The following ASTN1 variants were observed in gnomAD, a reference collection of about 807,000 sequenced individuals.
ASTN1 encodes astrotactin-1.
Under a neutral mutation model 140.7 loss-of-function variants are expected in ASTN1, and 41 were observed. The ratio of observed to expected loss-of-function variants is 0.29; its 90% confidence interval spans 0.23 to 0.38. ASTN1 has a LOEUF of 0.38. Among genes scored for constraint, ASTN1 ranks in the 10% least tolerant of loss-of-function variants. The probability of loss-of-function intolerance (pLI) is 1.00; values close to 1 mark genes in which losing one functional copy is unlikely to be tolerated. For synonymous variants in ASTN1, 640 were observed against 652.2 expected (o/e 0.98, Z 0.29); for missense variants, 1,479 against 1,678.8 (o/e 0.88, Z 2.08).
chr1:177,003,897 T>G (rs1341031789), intron 8 of ASTN1, among the ~76,000 whole-genome samples: 3 of 152,074 alleles, frequency 2.0e-5, no homozygotes, highest in Non-Finnish European at 4.4e-5. Flanking sequence ...GAAAGCATTA[T>G]GCCTAAGAAC....
At chr1:177,076,300 GAAAGAA>G (rs1174752634) in intron 1 of ASTN1, among the ~76,000 whole-genome samples, 3 of 140,442 alleles carry the variant, frequency 2.1e-5, no homozygotes, top group East Asian at 2.0e-4. Flanking sequence ...AAAAAAGAAA[GAAAGAA>G]AAAGAAAAAG....
In ASTN1 at chr1:177,061,251, T is replaced by C; in HGVS notation, c.298A>G (p.Thr100Ala). ...PYFVLEISGN[T>A]EDIPLVRWRQ... ...CAGCGCACCAAAGGGATATCCTCTG[T>C]GTTCCCTGAGATCTCTAGAAGATGA... Residue 100 changes from threonine to alanine, a missense_variant, in exon 2 of 23, where the codon ACA (threonine) becomes GCA (alanine). By Grantham distance (58) the Thr-to-Ala change is moderately conservative. Transcript: ENST00000361833. 6.4e-7 allele frequency: 1 copy of C among 1,559,052 alleles called. No individual in the cohort carries two copies. Among genetic ancestry groups the C allele is most frequent in the South Asian group, 1.2e-5 (1 of 81,822 alleles).
chr1:176,959,888 G>A (rs945595165), intron 9 of ASTN1, among the ~76,000 whole-genome samples: 3 of 152,174 alleles, frequency 2.0e-5, no homozygotes, highest in Non-Finnish European at 2.9e-5. Context: ...ACTCACAGGA[G>A]TATCAAGCAG....
intron 2 of ASTN1, among the ~76,000 whole-genome samples, chr1:177,047,481 A>G (rs576703989): frequency 6.6e-6 from 1 of 152,312 alleles, no homozygotes; most frequent in South Asian, 2.1e-4. Context: ...AGCCTTCTGA[A>G]TGGAGGAACC....
At chr1:177,083,672 A>G (rs1679284390) in intron 1 of ASTN1, among the ~76,000 whole-genome samples, 2 of 152,176 alleles carry the variant, frequency 1.3e-5, no homozygotes, top group Non-Finnish European at 1.5e-5. Flanking sequence ...AAATCTTTTC[A>G]TCCTCTTTTG....
chr1:176,993,605 G>C (rs1170913517), intron 8 of ASTN1, among the ~76,000 whole-genome samples: 1 of 152,110 alleles, frequency 6.6e-6, no homozygotes, highest in African/African-American at 2.4e-5. Flanking sequence ...CTCGCTAATA[G>C]ACACTTGAGT....
At chr1:177,076,403 T>C (rs1177381553) in intron 1 of ASTN1, among the ~76,000 whole-genome samples, 2 of 151,612 alleles carry the variant, frequency 1.3e-5, no homozygotes, top group Non-Finnish European at 2.9e-5. Flanking sequence ...TTGTCTGTGA[T>C]GGGAAACAAA....
At chr1:177,079,403 G>A (rs560246556) in intron 1 of ASTN1, among the ~76,000 whole-genome samples, 2 of 152,276 alleles carry the variant, frequency 1.3e-5, no homozygotes, top group Non-Finnish European at 2.9e-5. Flanking sequence ...AATTATGAGA[G>A]TTATTACAAA....
intron 2 of ASTN1, among the ~76,000 whole-genome samples, chr1:177,052,088 C>T (rs1424068435): frequency 6.6e-6 from 1 of 152,122 alleles, no homozygotes; most frequent in Non-Finnish European, 1.5e-5. Flanking sequence ...ACAGAAGTGA[C>T]ATAACAATTC....
rs190857763 is a variant in ASTN1 at position 176,874,023 on chromosome 1, C to T, written c.3463+2514G>A. On this transcript the variant is annotated intron_variant, in intron 21 of 22. Transcript: ENST00000361833. Reference sequence around the variant, plus strand: ...TAGCATCATGCTGCATCCCCTCCACCTGCTAATCACCTCCCTGATGTCCCA... The same window carrying T: ...TAGCATCATGCTGCATCCCCTCCACTTGCTAATCACCTCCCTGATGTCCCA... Among the ~76,000 whole-genome samples, 236 of 152,286 alleles carry T rather than the reference C, an allele frequency of 1.5e-3. 1 individual carries two copies. Among genetic ancestry groups the T allele is most frequent in the African/African-American group, 5.2e-3 (216 of 41,558 alleles).
intron 7 of ASTN1, among the ~76,000 whole-genome samples, chr1:177,020,294 T>C (rs1433971222): frequency 1.3e-5 from 2 of 152,220 alleles, no homozygotes; most frequent in Admixed American, 6.5e-5. Flanking sequence ...TTACCAGAAG[T>C]TTAACATGAG....
chr1:177,149,143 T>C lies in ASTN1; in HGVS notation c.283+15251A>G, dbSNP rs1381039703. 2.6e-4 allele frequency among the ~76,000 whole-genome samples: 34 copies of C among 128,844 alleles called. 3 individuals carry two copies. Among genetic ancestry groups the C allele is most frequent in the African/African-American group, 9.3e-4 (31 of 33,304 alleles). The allele number at this position is 128,844 out of a possible 152,430, so 84.5% of individuals were successfully genotyped here. A position where few individuals can be genotyped will look rare whatever the true frequency, so the allele number is the denominator to read the frequency against. Reference sequence around the variant, plus strand: ...AGTAAATATATATAGTGCATATATATAGTGCATATATATAGTGTATATATA... The same window carrying C: ...AGTAAATATATATAGTGCATATATACAGTGCATATATATAGTGTATATATA... On this transcript the variant is annotated intron_variant, in intron 1 of 22. Transcript: ENST00000361833.
chr1:177,127,233 T>G (rs1328361866), intron 1 of ASTN1, among the ~76,000 whole-genome samples: 1 of 152,198 alleles, frequency 6.6e-6, no homozygotes, highest in Non-Finnish European at 1.5e-5. Context: ...CATTCCTGTA[T>G]GTGGAAGACT....
At chr1:176,959,850 A>C (rs1444752396) in intron 9 of ASTN1, among the ~76,000 whole-genome samples, 1 of 152,074 alleles carries the variant, frequency 6.6e-6, no homozygotes, top group Non-Finnish European at 1.5e-5. Flanking sequence ...GATGCTTCTG[A>C]CTCTGAAAGA....
At chr1:176,990,018 C>A (rs1396560395) in intron 8 of ASTN1, among the ~76,000 whole-genome samples, 1 of 152,052 alleles carries the variant, frequency 6.6e-6, no homozygotes, top group Non-Finnish European at 1.5e-5. Context: ...CCTCCTTCAG[C>A]TTTCTTGGAC....
At chr1:177,088,708 C>T (rs943089100) in intron 1 of ASTN1, among the ~76,000 whole-genome samples, 1 of 152,100 alleles carries the variant, frequency 6.6e-6, no homozygotes, top group Non-Finnish European at 1.5e-5. Flanking sequence ...GATTTTGAAG[C>T]AAAATTTCTG....
intron 8 of ASTN1, among the ~76,000 whole-genome samples, chr1:177,002,225 T>C (rs756931415): frequency 9.9e-5 from 15 of 152,058 alleles, no homozygotes; most frequent in Non-Finnish European, 1.5e-4. Context: ...AGAAGGGCCA[T>C]AAAGGAAGGA....
Position 176,876,632 on chromosome 1 carries a change from G to A in ASTN1, c.3368C>T (p.Thr1123Met), listed in dbSNP as rs369440281. 3.7e-5 allele frequency: 60 copies of A among 1,613,956 alleles called. No individual in the cohort carries two copies. The highest frequency in any genetic ancestry group is 1.6e-4 in the Middle Eastern group (1 of 6,084). Residue 1123 changes from threonine (T) to methionine (M), a missense_variant, in exon 21 of 23, where the codon ACG becomes ATG. This residue lies in a region of ASTN1 where 746 missense variants were observed against 800.9 expected (regional missense o/e 0.93). Transcript: ENST00000361833. ...CLEPDTIYMFTLWGVDNTGRR... is the reference protein window; with the variant it reads ...CLEPDTIYMFMLWGVDNTGRR... Reference sequence around the variant, plus strand: ...TCCTGTGTTGTCCACTCCCCACAGCGTGAACCTGGCAGGGAGTGGGAGGGC... The same window carrying A: ...TCCTGTGTTGTCCACTCCCCACAGCATGAACCTGGCAGGGAGTGGGAGGGC...
At chr1:177,075,544 C>G (rs562202883) in intron 1 of ASTN1, among the ~76,000 whole-genome samples, 1 of 151,612 alleles carries the variant, frequency 6.6e-6, no homozygotes, top group South Asian at 2.1e-4. Flanking sequence ...CAAGCTGAAC[C>G]TGAATTTGGA....
Sources: allele counts gnomAD v4.1 joint callset (sites outside exome capture counted in the v4.1 genomes callset), GRCh38; gene constraint gnomAD v4.1.1; regional missense constraint gnomAD v4.1.1; transcripts MANE v1.5; gene names NCBI Gene and HGNC (gene_info 2026-07-23, HGNC 2026-07-21).